Variants in CFAP95 observed in about 807,000 individuals in gnomAD.
The protein encoded by CFAP95 is cilia- and flagella-associated protein 95.
At chr9:69,843,519 CT>C in the CFAP95 span, among the ~76,000 whole-genome samples, 2 of 5,814 alleles carry the variant, frequency 3.4e-4, no homozygotes, top group South Asian at 0.053. Context: ...CCTCCTCCTC[CT>C]CCTCCTCCTC....
the CFAP95 span, among the ~76,000 whole-genome samples, chr9:69,867,891 TCTAA>T: frequency 2.6e-5 from 4 of 152,264 alleles, no homozygotes; most frequent in South Asian, 2.1e-4. Flanking sequence ...CAACTGTAGC[TCTAA>T]CTAACATCAC....
At chr9:69,870,987 G>A in the CFAP95 span, among the ~76,000 whole-genome samples, 1 of 152,162 alleles carries the variant, frequency 6.6e-6, no homozygotes, top group Non-Finnish European at 1.5e-5. Context: ...GGGAGGCTGA[G>A]GCGGGAGGAT....
chr9:69,860,330 G>T, the CFAP95 span, among the ~76,000 whole-genome samples: 1 of 151,996 alleles, frequency 6.6e-6, no homozygotes, highest in Admixed American at 6.6e-5. Flanking sequence ...TGGCAACAGT[G>T]GGAGCAAGAG....
the CFAP95 span, among the ~76,000 whole-genome samples, chr9:69,866,138 C>G: frequency 6.6e-6 from 1 of 152,174 alleles, no homozygotes; most frequent in African/African-American, 2.4e-5. Context: ...CTGAACATCA[C>G]TTGTCTTTGT....
the CFAP95 span, among the ~76,000 whole-genome samples, chr9:69,877,279 T>C: frequency 6.6e-6 from 1 of 152,156 alleles, no homozygotes; most frequent in Non-Finnish European, 1.5e-5. Flanking sequence ...ATTTTCTCAA[T>C]TGGTCTATTT....
At chr9:69,849,933 C>T in the CFAP95 span, among the ~76,000 whole-genome samples, 1 of 152,102 alleles carries the variant, frequency 6.6e-6, no homozygotes, top group African/African-American at 2.4e-5. Flanking sequence ...ATATCTCTAC[C>T]CAGGTGAATT....
the CFAP95 span, among the ~76,000 whole-genome samples, chr9:69,895,437 C>G: frequency 6.7e-5 from 10 of 149,726 alleles, no homozygotes; most frequent in South Asian, 2.1e-3. Context: ...TTGACTGATA[C>G]AGACACAGTG....
the CFAP95 span, among the ~76,000 whole-genome samples, chr9:69,831,711 A>T: frequency 7.2e-5 from 11 of 152,244 alleles, no homozygotes; most frequent in Admixed American, 5.2e-4. Context: ...GAGGAGGTTC[A>T]CCTGGTTCCT....
the CFAP95 span, among the ~76,000 whole-genome samples, chr9:69,850,986 C>T: frequency 6.6e-6 from 1 of 152,184 alleles, no homozygotes; most frequent in African/African-American, 2.4e-5. Context: ...TCTTCTCTGT[C>T]ATTTCCAGAC....
At chr9:69,871,179 C>T in the CFAP95 span, among the ~76,000 whole-genome samples, 1 of 152,004 alleles carries the variant, frequency 6.6e-6, no homozygotes, top group African/African-American at 2.4e-5. Flanking sequence ...GATCGCCACA[C>T]TGCATTCCAG....
At chr9:69,876,668 G>T in the CFAP95 span, among the ~76,000 whole-genome samples, 1 of 151,590 alleles carries the variant, frequency 6.6e-6, no homozygotes, top group African/African-American at 2.4e-5. Flanking sequence ...GGAGTCTTGC[G>T]CTGTCTCCCA....
the CFAP95 span, among the ~76,000 whole-genome samples, chr9:69,897,652 A>G: frequency 1.3e-5 from 2 of 152,222 alleles, no homozygotes; most frequent in African/African-American, 4.8e-5. Flanking sequence ...ACAGTTGACT[A>G]AGAAGTAGCA....
the CFAP95 span, among the ~76,000 whole-genome samples, chr9:69,837,624 G>C: frequency 6.6e-6 from 1 of 152,154 alleles, no homozygotes; most frequent in South Asian, 2.1e-4. Context: ...GTAGATTCTG[G>C]ATATTAGCCC....
At chr9:69,828,132 C>G in the CFAP95 span, among the ~76,000 whole-genome samples, 1 of 152,140 alleles carries the variant, frequency 6.6e-6, no homozygotes, top group Non-Finnish European at 1.5e-5. Flanking sequence ...GCCTGACTTT[C>G]AAGAAAATAT....
chr9:69,856,501 T>A, the CFAP95 span: 1 of 1,013,644 alleles, frequency 9.9e-7, no homozygotes, highest in Non-Finnish European at 1.5e-6. Context: ...TTTTAGTAAC[T>A]GACCATTTGT....
chr9:69,822,786 C>G, the CFAP95 span, among the ~76,000 whole-genome samples: 3 of 152,216 alleles, frequency 2.0e-5, no homozygotes, highest in South Asian at 4.1e-4. Flanking sequence ...CGCTGTAAGT[C>G]ATTCCAGCCG....
At chr9:69,843,610 T>G in the CFAP95 span, among the ~76,000 whole-genome samples, 2,352 of 69,812 alleles carry the variant, frequency 0.034, 235 homozygotes, top group African/African-American at 0.044. Context: ...CTTCTTCTTC[T>G]TCTTCTTCTT....
At chr9:69,850,569 A>G in the CFAP95 span, among the ~76,000 whole-genome samples, 1 of 152,206 alleles carries the variant, frequency 6.6e-6, no homozygotes, top group African/African-American at 2.4e-5. Flanking sequence ...TAATTGGTTC[A>G]AGTATTTTTT....
chr9:69,892,227 G>A, the CFAP95 span, among the ~76,000 whole-genome samples: 26 of 151,878 alleles, frequency 1.7e-4, no homozygotes, highest in Admixed American at 1.7e-3. Context: ...ATATGTTCAC[G>A]GGCCCCTAAA....
Sources: gnomAD v4.1 joint callset for allele counts (sites outside exome capture counted in the v4.1 genomes callset) on GRCh38, gnomAD v4.1.1 for gene constraint, MANE v1.5 for transcripts, NCBI Gene and HGNC (gene_info 2026-07-23, HGNC 2026-07-21) for gene names.